Variants in SOBP observed in about 807,000 individuals in gnomAD.
SOBP encodes the protein sine oculis binding protein homolog.
SOBP carries 4 observed loss-of-function variants against 53.6 expected under a neutral mutation model. The observed-to-expected ratio is 0.07, with a 90% CI of 0.04 to 0.17. SOBP has a LOEUF of 0.17. SOBP is among the 10% of genes least tolerant of loss of function. The pLI is 1.00. For synonymous variants in SOBP, 584 were observed against 522.6 expected (o/e 1.12, Z -1.60); for missense variants, 1,088 against 1,204.7 (o/e 0.90, Z 1.43).
At chr6:107,498,664 A>G (rs963332960) in intron 1 of SOBP, among the ~76,000 whole-genome samples, 2 of 152,230 alleles carry the variant, frequency 1.3e-5, no homozygotes, top group Non-Finnish European at 2.9e-5. Context: ...TTTGATGAAT[A>G]TCCTGGCAGT....
At chr6:107,506,578 A>G in intron 3 of SOBP, 151 bp downstream of exon 3, 1 of 810,210 alleles carries the variant, frequency 1.2e-6, no homozygotes, top group East Asian at 2.6e-5. Context: ...CATCACTTAG[A>G]GTATTACTGT....
At chr6:107,640,524 G>C (rs930684838) in intron 6 of SOBP, among the ~76,000 whole-genome samples, 1 of 152,192 alleles carries the variant, frequency 6.6e-6, no homozygotes, top group African/African-American at 2.4e-5. Flanking sequence ...GGACACATGT[G>C]AGTGGGAGGA....
At chr6:107,642,133 C>T (rs1360535142) in intron 6 of SOBP, among the ~76,000 whole-genome samples, 3 of 152,140 alleles carry the variant, frequency 2.0e-5, no homozygotes, top group Admixed American at 2.0e-4. Flanking sequence ...GCACTGGCAT[C>T]GTTTAACAGG....
chr6:107,507,062 G>A (rs1049269677), intron 3 of SOBP, among the ~76,000 whole-genome samples: 28 of 146,704 alleles, frequency 1.9e-4, no homozygotes, highest in Admixed American at 4.1e-4. Context: ...GCAAAACTCC[G>A]TCTCAAAAAA....
intron 4 of SOBP, among the ~76,000 whole-genome samples, chr6:107,553,513 A>G (rs1328713505): frequency 6.8e-6 from 1 of 146,154 alleles, no homozygotes; most frequent in African/African-American, 2.5e-5. Context: ...TTTTTTTGAG[A>G]TGGAGTCTCC....
At chr6:107,638,477 C>T (rs917411022) in intron 6 of SOBP, among the ~76,000 whole-genome samples, 1 of 152,176 alleles carries the variant, frequency 6.6e-6, no homozygotes, top group Non-Finnish European at 1.5e-5. Flanking sequence ...TCCCAAAGTG[C>T]TGGGATTACA....
At chr6:107,550,311 G>C (rs1784426257) in intron 4 of SOBP, among the ~76,000 whole-genome samples, 1 of 152,224 alleles carries the variant, frequency 6.6e-6, no homozygotes, top group Non-Finnish European at 1.5e-5. Flanking sequence ...AGGGCTGGGT[G>C]CCGTGGAAAT....
chr6:107,550,386 C>T (rs538040715), intron 4 of SOBP, among the ~76,000 whole-genome samples: 1 of 152,174 alleles, frequency 6.6e-6, no homozygotes, highest in Non-Finnish European at 1.5e-5. Flanking sequence ...TTGTCCTGTG[C>T]TTGTGTGGAA....
chr6:107,577,705 G>A (rs1476064391), intron 4 of SOBP, among the ~76,000 whole-genome samples: 1 of 152,146 alleles, frequency 6.6e-6, no homozygotes, highest in Non-Finnish European at 1.5e-5. Flanking sequence ...TTGGTAGGAT[G>A]TGTCTTTTCT....
intron 4 of SOBP, among the ~76,000 whole-genome samples, chr6:107,545,603 G>A (rs1306740461): frequency 6.6e-6 from 1 of 152,144 alleles, no homozygotes; most frequent in Non-Finnish European, 1.5e-5. Flanking sequence ...ATCTTCCTGG[G>A]TCTTACCTGG....
intron 4 of SOBP, among the ~76,000 whole-genome samples, chr6:107,574,611 G>T (rs908439503): frequency 8.5e-5 from 13 of 152,176 alleles, no homozygotes; most frequent in Admixed American, 8.5e-4. Flanking sequence ...CCATCTCTAC[G>T]CAGGGTTTCT....
intron 6 of SOBP, among the ~76,000 whole-genome samples, chr6:107,639,695 T>C (rs1333323146): frequency 6.6e-6 from 1 of 152,248 alleles, no homozygotes; most frequent in Non-Finnish European, 1.5e-5. Context: ...TATTTGTACA[T>C]TTTCTGAATT....
intron 1 of SOBP, among the ~76,000 whole-genome samples, chr6:107,497,540 C>T (rs1001912907): frequency 6.6e-6 from 1 of 151,976 alleles, no homozygotes; most frequent in Non-Finnish European, 1.5e-5. Context: ...TTTTCCCACC[C>T]AGACGCAATT....
intron 4 of SOBP, among the ~76,000 whole-genome samples, chr6:107,553,760 A>G (rs1047429319): frequency 1.3e-5 from 2 of 152,100 alleles, no homozygotes; most frequent in African/African-American, 4.8e-5. Flanking sequence ...TGCTGGGATT[A>G]CAGGTGTGAG....
chr6:107,606,320 AC>A (rs1011292514), intron 5 of SOBP, among the ~76,000 whole-genome samples: 2 of 151,504 alleles, frequency 1.3e-5, no homozygotes, highest in African/African-American at 4.9e-5. Context: ...CAGGTGATCC[AC>A]CCGCCTTGGC....
chr6:107,633,099 G>T (rs1028922037), intron 5 of SOBP, among the ~76,000 whole-genome samples: 1 of 152,122 alleles, frequency 6.6e-6, no homozygotes. Context: ...AATTGTAAGG[G>T]GTAATATTTC....
chr6:107,560,560 T>C (rs1477248084), intron 4 of SOBP, among the ~76,000 whole-genome samples: 1 of 152,192 alleles, frequency 6.6e-6, no homozygotes, highest in Non-Finnish European at 1.5e-5. Context: ...TTCATACACC[T>C]ATGGATACTC....
intron 5 of SOBP, among the ~76,000 whole-genome samples, chr6:107,609,310 C>A (rs943452613): frequency 3.3e-5 from 5 of 152,170 alleles, no homozygotes; most frequent in Non-Finnish European, 7.3e-5. Flanking sequence ...GATCTTTGCA[C>A]CCCCTGGGGT....
chr6:107,548,527 C>T (rs751938962), intron 4 of SOBP, among the ~76,000 whole-genome samples: 5 of 152,216 alleles, frequency 3.3e-5, no homozygotes, highest in East Asian at 3.9e-4. Context: ...CAGGCGTGAG[C>T]CACCGCGCCC....
Sources: gnomAD v4.1 joint callset for allele counts (sites outside exome capture counted in the v4.1 genomes callset) on GRCh38, gnomAD v4.1.1 for gene constraint, MANE v1.5 for transcripts, NCBI Gene and HGNC (gene_info 2026-07-23, HGNC 2026-07-21) for gene names.